The following CLPX variants were observed in gnomAD, a reference collection of about 807,000 sequenced individuals.
CLPX encodes caseinolytic mitochondrial matrix peptidase chaperone subunit X, also known as ATP-dependent clpX-like chaperone, mitochondrial.
In CLPX, 34 loss-of-function variants were observed where a neutral mutation model predicts 76.4. That is an observed-to-expected ratio of 0.45 (90% CI 0.34 to 0.59). The LOEUF (loss-of-function observed/expected upper bound fraction) is 0.59, where lower values mean the gene tolerates loss of function less well. Among genes scored for constraint, CLPX ranks in the 20% least tolerant of loss-of-function variants. The pLI is 0.01. For synonymous variants in CLPX, 248 were observed against 270.9 expected, an observed-to-expected ratio of 0.92 and a Z score of 0.83; for missense variants, 613 against 757.0, an observed-to-expected ratio of 0.81 and a Z score of 2.23.
intron 7 of CLPX, 90 bp downstream of exon 7, chr15:65,158,485 G>T: frequency 2.8e-6 from 3 of 1,086,996 alleles, no homozygotes; most frequent in Non-Finnish European, 4.0e-6. Flanking sequence ...CTCAAGAGCC[G>T]TAATACTTCA....
At chr15:65,181,789 TAAATAAAG>T (rs1242872562) in intron 1 of CLPX, among the ~76,000 whole-genome samples, 52 of 147,058 alleles carry the variant, frequency 3.5e-4, no homozygotes, top group African/African-American at 1.1e-3. Flanking sequence ...AATAAATAAA[TAAATAAAG>T]ATAGTATCAA....
At position 65,185,181 on chromosome 15, in the gene CLPX, C is replaced by G; in HGVS notation, c.-28G>C. On this transcript the variant is annotated 5_prime_UTR_variant, in exon 1 of 14. Transcript: ENST00000300107. ...CCGCGAGGCCTAGGCCGGGGCTTCGCCCCCTGAGGACCTCCGGGTCACAGC... is the reference window on the plus strand; with the variant it reads ...CCGCGAGGCCTAGGCCGGGGCTTCGGCCCCTGAGGACCTCCGGGTCACAGC... 6.5e-7 allele frequency: 1 copy of G among 1,542,494 alleles called. No individual in the cohort carries two copies. The highest frequency in any genetic ancestry group is 8.8e-7 in the Non-Finnish European group (1 of 1,138,980).
In CLPX at chr15:65,176,886, C is replaced by T. The variant is rs1490337477; in HGVS notation, c.358+2048G>A. Among the ~76,000 whole-genome samples the T allele has an allele frequency of 4.0e-5, 6 of 151,660 alleles. No individual in the cohort carries two copies. In the South Asian group the frequency reaches 8.3e-4, roughly 21 times the overall value. ...CTGGGATTACAGGTGTAAGCCACCGCGCCTGGCAACAAATTATTCTTTAGG... is the reference window on the plus strand; with the variant it reads ...CTGGGATTACAGGTGTAAGCCACCGTGCCTGGCAACAAATTATTCTTTAGG... On this transcript the variant is annotated intron_variant, in intron 3 of 13. Transcript: ENST00000300107.
chr15:65,154,586 T>C (rs1374866067), intron 11 of CLPX, 196 bp downstream of exon 11: 2 of 543,784 alleles, frequency 3.7e-6, no homozygotes, highest in Non-Finnish European at 6.4e-6. Context: ...ATGGTTTTAA[T>C]TCAGAAAAAA....
chr15:65,179,674 T>C (rs777973262), intron 2 of CLPX, among the ~76,000 whole-genome samples: 3 of 152,170 alleles, frequency 2.0e-5, no homozygotes, highest in Non-Finnish European at 4.4e-5. Context: ...CAACATTAAG[T>C]TATACCACAA....
chr15:65,166,813 G>A (rs2087921146), intron 3 of CLPX, 28 bp from the exon 4 acceptor site: 2 of 1,590,016 alleles, frequency 1.3e-6, no homozygotes, highest in Non-Finnish European at 1.7e-6. Flanking sequence ...CATAAGTAGA[G>A]GGAAATAAAA....
At chr15:65,163,980 A>T in intron 5 of CLPX, 49 bp downstream of exon 5, 1 of 1,482,588 alleles carries the variant, frequency 6.7e-7, no homozygotes, top group Non-Finnish European at 9.3e-7. Context: ...AATAAAGATT[A>T]CTTTTAAGCA....
chr15:65,182,598 T>C (rs999527104), intron 1 of CLPX, among the ~76,000 whole-genome samples: 3 of 152,228 alleles, frequency 2.0e-5, no homozygotes, highest in Admixed American at 1.3e-4. Context: ...TGTGGATGTG[T>C]TGCCCACATT....
At chr15:65,168,369 G>A (rs527663074) in intron 3 of CLPX, among the ~76,000 whole-genome samples, 90 of 86,770 alleles carry the variant, frequency 1.0e-3, no homozygotes, top group African/African-American at 3.9e-3. Context: ...GGGCGACAAA[G>A]TGAGACTCTG....
intron 7 of CLPX, 142 bp from the exon 8 acceptor site, chr15:65,158,052 G>A: frequency 1.5e-6 from 1 of 667,022 alleles, no homozygotes; most frequent in South Asian, 2.2e-5. Flanking sequence ...ATTTTTTTTA[G>A]AGACAGGTTC....
In CLPX at chr15:65,185,073, A is replaced by T; in HGVS notation, c.79+2T>A. The T allele has an allele frequency of 6.5e-7, 1 of 1,546,340 alleles. No homozygotes were observed. Among genetic ancestry groups the T allele is most frequent in the Non-Finnish European group, 8.7e-7 (1 of 1,146,314 alleles). On this transcript the variant is annotated splice_donor_variant, in intron 1 of 13. Coordinates refer to ENST00000300107, the MANE Select transcript of CLPX (RefSeq NM_006660.5). LOFTEE classifies it high-confidence loss of function. ...GGCTCAGGAGTGGCACTATTTCGTTACCTCTCTGCGCGGAGGCGAGTGAGG... is the reference window on the plus strand; with the variant it reads ...GGCTCAGGAGTGGCACTATTTCGTTTCCTCTCTGCGCGGAGGCGAGTGAGG...
chr15:65,163,719 T>A (rs2087878160), intron 5 of CLPX, among the ~76,000 whole-genome samples: 1 of 152,054 alleles, frequency 6.6e-6, no homozygotes, highest in African/African-American at 2.4e-5. Flanking sequence ...ACTCCTGACC[T>A]CAAGTGATCC....
intron 1 of CLPX, among the ~76,000 whole-genome samples, chr15:65,182,364 A>G (rs540075013): frequency 6.6e-6 from 1 of 152,332 alleles, no homozygotes; most frequent in Non-Finnish European, 1.5e-5. Flanking sequence ...AATACATAAC[A>G]AAGGAAACAA....
Position 65,150,808 on chromosome 15 carries a change from C to T in CLPX, c.*15G>A, listed in dbSNP as rs915220663. 1.3e-6 allele frequency: 2 copies of T among 1,584,020 alleles called. No homozygotes were observed. The highest frequency in any genetic ancestry group is 1.7e-6 in the Non-Finnish European group (2 of 1,155,374). On this transcript the variant is annotated 3_prime_UTR_variant, in exon 14 of 14. Transcript: ENST00000300107. Reference sequence around the variant, plus strand: ...AGAAGGAAAAGCTGTATATACAAGACAGCAATATGACAGTTTAGCTGTTTG... The same window carrying T: ...AGAAGGAAAAGCTGTATATACAAGATAGCAATATGACAGTTTAGCTGTTTG...
At chr15:65,151,018 G>A (rs952348052) in intron 13 of CLPX, 105 bp from the exon 14 acceptor site, 12 of 708,418 alleles carry the variant, frequency 1.7e-5, no homozygotes, top group South Asian at 7.5e-5. Flanking sequence ...AGAAAGCCAC[G>A]ATAATAGAAA....
chr15:65,155,885 T>G, intron 9 of CLPX, 29 bp from the exon 10 acceptor site: 1 of 1,558,334 alleles, frequency 6.4e-7, no homozygotes, highest in Non-Finnish European at 8.8e-7. Flanking sequence ...ATTTATAGCA[T>G]CACCATATAA....
At chr15:65,172,625 T>A (rs2088025948) in intron 3 of CLPX, among the ~76,000 whole-genome samples, 1 of 151,962 alleles carries the variant, frequency 6.6e-6, no homozygotes, top group South Asian at 2.1e-4. Context: ...AGAGCGAAAC[T>A]CCGTCTGGGG....
At chr15:65,181,697 C>T (rs545071868) in intron 1 of CLPX, among the ~76,000 whole-genome samples, 3 of 151,638 alleles carry the variant, frequency 2.0e-5, no homozygotes, top group East Asian at 1.9e-4. Flanking sequence ...TGCAGTGAGC[C>T]GAGATTGCGC....
At position 65,185,149 on chromosome 15, in the gene CLPX, G is replaced by C; in HGVS notation, c.5C>G (p.Pro2Arg). 1 of 1,566,880 alleles carries C rather than the reference G, an allele frequency of 6.4e-7. No individual in the cohort carries two copies. The stretch of plus-strand genomic sequence containing the variant: ...GCCGCAAGTACAAGCACCGCAGCTG[G>C]GCATCTCCGCGAGGCCTAGGCCGGG... The part of the protein sequence containing the change: M[P>R]SCGACTCGAA... The change falls in exon 1 of 14, where the codon CCC becomes CGC. Residue 2 changes from proline (P) to arginine (R), a missense_variant. By Grantham distance (103) the Pro-to-Arg change is moderately radical. Coordinates refer to ENST00000300107, the MANE Select transcript of CLPX (RefSeq NM_006660.5).
Sources: allele counts gnomAD v4.1 joint callset (sites outside exome capture counted in the v4.1 genomes callset), GRCh38; gene constraint gnomAD v4.1.1; transcripts MANE v1.5; gene names NCBI Gene and HGNC (gene_info 2026-07-23, HGNC 2026-07-21).